Variants in ASIC2 observed in about 807,000 individuals in gnomAD.
ASIC2 encodes acid sensing ion channel subunit 2, also known as acid-sensing ion channel 2.
In ASIC2, 25 loss-of-function variants were observed where a neutral mutation model predicts 57.3. The observed-to-expected ratio is 0.44, with a 90% CI of 0.32 to 0.61. ASIC2 has a LOEUF of 0.61. Among genes scored for constraint, ASIC2 ranks in the 20% least tolerant of loss-of-function variants. The pLI is 0.06. For missense variants in ASIC2, 641 were observed against 738.1 expected (o/e 0.87, Z 1.52); for synonymous variants, 319 against 307.5 (o/e 1.04, Z -0.39).
intron 1 of ASIC2, among the ~76,000 whole-genome samples, chr17:33,988,103 T>C (rs951283426): frequency 6.6e-6 from 1 of 152,110 alleles, no homozygotes; most frequent in Non-Finnish European, 1.5e-5. Context: ...AGGAAGAGCA[T>C]ACATAAGAGA....
chr17:34,140,270 T>C (rs1472425690), intron 1 of ASIC2, among the ~76,000 whole-genome samples: 3 of 152,150 alleles, frequency 2.0e-5, no homozygotes, highest in Admixed American at 6.5e-5. Flanking sequence ...ACAGGTTTCC[T>C]ACTGCTAGAG....
At chr17:33,216,401 G>C (rs1314226018) in intron 1 of ASIC2, among the ~76,000 whole-genome samples, 1 of 152,200 alleles carries the variant, frequency 6.6e-6, no homozygotes, top group Non-Finnish European at 1.5e-5. Context: ...AGTCTGGAAG[G>C]GGAGAGAAAC....
chr17:33,431,289 T>C (rs1209018265), intron 1 of ASIC2, among the ~76,000 whole-genome samples: 1 of 152,036 alleles, frequency 6.6e-6, no homozygotes, highest in Non-Finnish European at 1.5e-5. Context: ...GGAATCAAAG[T>C]TGAGTACAAT....
intron 1 of ASIC2, among the ~76,000 whole-genome samples, chr17:33,636,876 C>T (rs893907672): frequency 2.8e-5 from 4 of 143,992 alleles, no homozygotes; most frequent in African/African-American, 7.4e-5. Context: ...CATGCACACA[C>T]ACCCACACAC....
chr17:33,259,100 T>C (rs1267690980), intron 1 of ASIC2, among the ~76,000 whole-genome samples: 3 of 152,118 alleles, frequency 2.0e-5, no homozygotes, highest in East Asian at 1.9e-4. Context: ...TTCCGGGTAA[T>C]GGTGAGGGCT....
chr17:33,584,731 T>G (rs1008805045), intron 1 of ASIC2, among the ~76,000 whole-genome samples: 7 of 151,982 alleles, frequency 4.6e-5, no homozygotes, highest in African/African-American at 1.7e-4. Flanking sequence ...CAGGAGGTAC[T>G]GGTGATGGAG....
chr17:33,135,884 C>G (rs1268471307), intron 1 of ASIC2, among the ~76,000 whole-genome samples: 1 of 152,242 alleles, frequency 6.6e-6, no homozygotes, highest in Non-Finnish European at 1.5e-5. Context: ...AGCTGGAATG[C>G]AAGCTGGGCC....
intron 1 of ASIC2, among the ~76,000 whole-genome samples, chr17:33,958,459 T>A (rs988606105): frequency 1.3e-4 from 20 of 150,710 alleles, no homozygotes; most frequent in Non-Finnish European, 2.5e-4. Flanking sequence ...GGTTCCCAAA[T>A]CTCAATTCTT....
At chr17:33,933,120 C>T (rs1915981290) in intron 1 of ASIC2, among the ~76,000 whole-genome samples, 1 of 152,152 alleles carries the variant, frequency 6.6e-6, no homozygotes, top group African/African-American at 2.4e-5. Flanking sequence ...CCTTGCTTTT[C>T]AGCATAGCCA....
intron 1 of ASIC2, among the ~76,000 whole-genome samples, chr17:33,551,685 T>C (rs937851797): frequency 6.6e-6 from 1 of 152,170 alleles, no homozygotes; most frequent in Non-Finnish European, 1.5e-5. Flanking sequence ...CTGTGCTTCC[T>C]TCAAAACTCA....
Position 33,033,380 on chromosome 17 carries a change from G to A in ASIC2, c.988-4988C>T, listed in dbSNP as rs545883681. 6.6e-5 allele frequency among the ~76,000 whole-genome samples: 10 copies of A among 152,270 alleles called. No individual in the cohort carries two copies. In the South Asian group the frequency reaches 1.7e-3, roughly 25 times the overall value. ...GTGCAGCTGCAACTGCGGCACCCAC[G>A]GCTGCAGACCTGGGCCTCTCACTCC... is the stretch of plus-strand genomic sequence containing the variant. On this transcript the variant is annotated intron_variant, in intron 3 of 9. Coordinates refer to ENST00000225823, the MANE Select transcript of ASIC2 (RefSeq NM_183377.2).
chr17:33,131,913 GA>G (rs964343027), intron 1 of ASIC2, among the ~76,000 whole-genome samples: 26 of 151,922 alleles, frequency 1.7e-4, no homozygotes, highest in African/African-American at 3.6e-4. Context: ...GTGGGGAGGG[GA>G]AAAAAAATCA....
At chr17:33,015,530 A>G (rs889236906) in intron 9 of ASIC2, among the ~76,000 whole-genome samples, 2 of 152,216 alleles carry the variant, frequency 1.3e-5, no homozygotes, top group Non-Finnish European at 2.9e-5. Context: ...TATAATGGGC[A>G]CTATTGCTAC....
At chr17:33,103,262 T>C (rs1184004407) in intron 2 of ASIC2, among the ~76,000 whole-genome samples, 1 of 152,234 alleles carries the variant, frequency 6.6e-6, no homozygotes, top group African/African-American at 2.4e-5. Flanking sequence ...ATATGGTGTC[T>C]AATATTATCC....
chr17:34,132,411 G>T (rs77620342), intron 1 of ASIC2, among the ~76,000 whole-genome samples: 70,653 of 151,564 alleles, frequency 0.47, 16,778 homozygotes, highest in Middle Eastern at 0.54. Flanking sequence ...TGGAGTGCGA[G>T]CCGGGTGGAG....
intron 1 of ASIC2, among the ~76,000 whole-genome samples, chr17:33,261,991 C>T (rs1245273806): frequency 3.3e-5 from 5 of 152,178 alleles, no homozygotes; most frequent in South Asian, 4.1e-4. Flanking sequence ...GCTTGGGGCC[C>T]GCTCCAGGGC....
chr17:34,151,811 A>G (rs1489178665), intron 1 of ASIC2, among the ~76,000 whole-genome samples: 2 of 152,192 alleles, frequency 1.3e-5, no homozygotes, highest in African/African-American at 2.4e-5. Context: ...GGCACCTGCC[A>G]CATAGTAGGC....
At chr17:33,758,484 G>GT (rs1910680917) in intron 1 of ASIC2, among the ~76,000 whole-genome samples, 1 of 152,118 alleles carries the variant, frequency 6.6e-6, no homozygotes, top group African/African-American at 2.4e-5. Context: ...TGGTTTGAAC[G>GT]TTTGTCCCCT....
chr17:33,857,036 A>G (rs1913975917), intron 1 of ASIC2, among the ~76,000 whole-genome samples: 1 of 152,022 alleles, frequency 6.6e-6, no homozygotes, highest in Admixed American at 6.5e-5. Context: ...AGCGGCCAAG[A>G]GCTCAGGCAT....
Sources: allele counts gnomAD v4.1 joint callset (sites outside exome capture counted in the v4.1 genomes callset), GRCh38; gene constraint gnomAD v4.1.1; transcripts MANE v1.5; gene names NCBI Gene and HGNC (gene_info 2026-07-23, HGNC 2026-07-21).